EPB41L4A: variants seen among roughly 807,000 people sequenced by gnomAD.
The protein encoded by EPB41L4A is band 4.1-like protein 4A.
EPB41L4A carries 100 observed loss-of-function variants against 108.6 expected under a neutral mutation model. The ratio of observed to expected loss-of-function variants is 0.92; its 90% CI spans 0.78 to 1.09. The LOEUF is 1.09. Ranked by LOEUF, EPB41L4A falls within the 50% of genes least tolerant of loss-of-function variation. The probability of loss-of-function intolerance (pLI) is 0.00; values close to 1 mark genes in which losing one functional copy is unlikely to be tolerated. For missense variants in EPB41L4A, 1,030 were observed against 842.7 expected, an observed-to-expected ratio of 1.22 and a Z score of -2.75; for synonymous variants, 319 against 289.0, an observed-to-expected ratio of 1.10 and a Z score of -1.05.
chr5:112,175,652 A>G (rs1420408127), intron 18 of EPB41L4A: 1 of 151,882 alleles, frequency 6.6e-6, no homozygotes, highest in Non-Finnish European at 1.5e-5. Flanking sequence ...CCAAATATAC[A>G]TAAATATTTT....
exon 14 of EPB41L4A, chr5:112,143,345 A>T (rs1390137873): frequency 6.6e-6 from 1 of 152,348 alleles, no homozygotes; most frequent in Non-Finnish European, 1.5e-5. Flanking sequence ...AGTGCCTAAC[A>T]TATAGTAGAT....
chr5:112,233,734 GT>G (rs1302243566), intron 12 of EPB41L4A, among the ~76,000 whole-genome samples: 1 of 151,832 alleles, frequency 6.6e-6, no homozygotes, highest in East Asian at 1.9e-4. Flanking sequence ...TTGTTTGTTT[GT>G]TTTTTTCAAG....
At chr5:112,273,011 C>G (rs1210773393) in intron 4 of EPB41L4A, among the ~76,000 whole-genome samples, 2 of 152,072 alleles carry the variant, frequency 1.3e-5, no homozygotes, top group Admixed American at 1.3e-4. Flanking sequence ...AAAATGCTGG[C>G]AGAAGTATGC....
rs1374155615 is a variant in EPB41L4A, at chr5:112,419,068, A to T, written c.-29T>A. 6.3e-7 allele frequency: 1 copy of T among 1,575,992 alleles called. No homozygotes were observed. The highest frequency in any genetic ancestry group is 1.7e-5 in the Admixed American group (1 of 59,724). On this transcript the variant is annotated 5_prime_UTR_variant, in exon 1 of 23. Coordinates refer to ENST00000261486, the MANE Select transcript of EPB41L4A (RefSeq NM_022140.5). ...GGTTGTGGTCGTCTCCAGCCAGGAGAGAAAGCTACCACCGAGGCGCCCAGC... is the reference window on the plus strand; with the variant it reads ...GGTTGTGGTCGTCTCCAGCCAGGAGTGAAAGCTACCACCGAGGCGCCCAGC...
chr5:112,256,512 A>G (rs1365210281), intron 9 of EPB41L4A, among the ~76,000 whole-genome samples: 1 of 152,206 alleles, frequency 6.6e-6, no homozygotes, highest in Non-Finnish European at 1.5e-5. Context: ...TGAGATAAAT[A>G]AAATTCCACA....
intron 7 of EPB41L4A, among the ~76,000 whole-genome samples, chr5:112,262,127 G>A (rs1483455143): frequency 6.6e-6 from 1 of 152,022 alleles, no homozygotes; most frequent in African/African-American, 2.4e-5. Context: ...CCTGACCTCA[G>A]ATGATCCACC....
intron 1 of EPB41L4A, among the ~76,000 whole-genome samples, chr5:112,345,800 C>T (rs1472494492): frequency 1.3e-5 from 2 of 151,086 alleles, no homozygotes; most frequent in Non-Finnish European, 2.9e-5. Flanking sequence ...CACACACACA[C>T]ACACACACAC....
At chr5:112,245,274 C>T (rs1032791187) in intron 9 of EPB41L4A, among the ~76,000 whole-genome samples, 1 of 152,108 alleles carries the variant, frequency 6.6e-6, no homozygotes, top group African/African-American at 2.4e-5. Flanking sequence ...AGCTACAAAC[C>T]AAACTCAAGT....
chr5:112,254,438 C>T (rs951444191), intron 9 of EPB41L4A, among the ~76,000 whole-genome samples: 6 of 152,158 alleles, frequency 3.9e-5, no homozygotes, highest in African/African-American at 7.2e-5. Context: ...ATGTTCCACC[C>T]TGCAGCCAGA....
intron 1 of EPB41L4A, among the ~76,000 whole-genome samples, chr5:112,311,101 T>C (rs896964310): frequency 6.6e-6 from 1 of 152,112 alleles, no homozygotes; most frequent in Non-Finnish European, 1.5e-5. Context: ...AACCTCCAAG[T>C]GATCCTCCCG....
rs548206317 is a variant in EPB41L4A, at chr5:112,227,369, T to C, written c.1087+7265A>G. 6.8e-4 allele frequency among the ~76,000 whole-genome samples: 103 copies of C among 152,248 alleles called. 1 individual carries two copies. Among genetic ancestry groups the C allele is most frequent in the Middle Eastern group, 3.4e-3 (1 of 294 alleles). The stretch of plus-strand genomic sequence containing the variant: ...CAGACATTGACAGATGGATTCACAG[T>C]GGTCCACACTGTGAATAGAAAGACA... On this transcript the variant is annotated intron_variant, in intron 12 of 22. Transcript: ENST00000261486.
chr5:112,180,222 C>G (rs1202546189), intron 18 of EPB41L4A, among the ~76,000 whole-genome samples: 2 of 151,992 alleles, frequency 1.3e-5, no homozygotes, highest in Non-Finnish European at 2.9e-5. Flanking sequence ...CAAGTTGATT[C>G]AAAAATTTAC....
intron 1 of EPB41L4A, among the ~76,000 whole-genome samples, chr5:112,405,156 G>A (rs899459394): frequency 6.6e-6 from 1 of 152,080 alleles, no homozygotes; most frequent in Non-Finnish European, 1.5e-5. Context: ...ATATTCTCTC[G>A]GGTCACTTTC....
At chr5:112,387,438 A>C (rs1760634352) in intron 1 of EPB41L4A, among the ~76,000 whole-genome samples, 1 of 152,184 alleles carries the variant, frequency 6.6e-6, no homozygotes, top group Admixed American at 6.5e-5. Flanking sequence ...CATCCCGGCT[A>C]ACACAGTAAA....
At chr5:112,198,383 T>C (rs1762063518) in intron 15 of EPB41L4A, among the ~76,000 whole-genome samples, 2 of 152,194 alleles carry the variant, frequency 1.3e-5, no homozygotes, top group African/African-American at 4.8e-5. Context: ...TTTTTTTCTC[T>C]CCCATATTCC....
At chr5:112,254,406 C>T (rs1750920442) in intron 9 of EPB41L4A, among the ~76,000 whole-genome samples, 1 of 152,192 alleles carries the variant, frequency 6.6e-6, no homozygotes, top group South Asian at 2.1e-4. Context: ...ACTCTGTCTG[C>T]CTCTGTGCTC....
At chr5:112,234,830 C>T in intron 11 of EPB41L4A, 75 bp from the exon 12 acceptor site, 2 of 1,484,948 alleles carry the variant, frequency 1.3e-6, no homozygotes, top group African/African-American at 1.4e-5. Context: ...TCATTCAGAA[C>T]ATCTGCCAAA....
intron 17 of EPB41L4A, among the ~76,000 whole-genome samples, chr5:112,184,996 T>G (rs943777423): frequency 1.3e-5 from 2 of 152,114 alleles, no homozygotes; most frequent in Non-Finnish European, 2.9e-5. Flanking sequence ...AGGTATCAAG[T>G]CTTTCAAATA....
chr5:112,313,471 A>G (rs1755178827), intron 1 of EPB41L4A, among the ~76,000 whole-genome samples: 1 of 152,110 alleles, frequency 6.6e-6, no homozygotes, highest in Non-Finnish European at 1.5e-5. Flanking sequence ...CGCGCCTGTA[A>G]TCCCAGCTTC....
Sources: gnomAD v4.1 joint callset for allele counts (sites outside exome capture counted in the v4.1 genomes callset) on GRCh38, gnomAD v4.1.1 for gene constraint, MANE v1.5 for transcripts, NCBI Gene and HGNC (gene_info 2026-07-23, HGNC 2026-07-21) for gene names.